Variants in PIGN observed in about 807,000 individuals in gnomAD.
PIGN encodes GPI ethanolamine phosphate transferase 1.
A neutral mutation model predicts 125.4 loss-of-function variants in PIGN; 117 were observed. The observed-to-expected ratio is 0.93, with a 90% CI of 0.80 to 1.09. The LOEUF is 1.09. Ranked by LOEUF, PIGN falls within the 50% of genes least tolerant of loss-of-function variation. PIGN has a pLI of 0.00. For synonymous variants in PIGN, 392 were observed against 377.8 expected, an observed-to-expected ratio of 1.04 and a Z score of -0.44; for missense variants, 1,075 against 1,094.9, an observed-to-expected ratio of 0.98 and a Z score of 0.26.
intron 14 of PIGN, among the ~76,000 whole-genome samples, chr18:62,119,454 A>T (rs1476633034): frequency 1.3e-5 from 2 of 152,226 alleles, no homozygotes; most frequent in Non-Finnish European, 1.5e-5. Context: ...TCTAGAATTT[A>T]AAAACATTTA....
chr18:62,107,816 G>A (rs1376256633), intron 17 of PIGN, among the ~76,000 whole-genome samples: 1 of 152,046 alleles, frequency 6.6e-6, no homozygotes. Flanking sequence ...TAAAGGTAGG[G>A]TTTCCTAATC....
chr18:62,133,240 C>T (rs1053075979), intron 14 of PIGN, among the ~76,000 whole-genome samples: 2 of 152,154 alleles, frequency 1.3e-5, no homozygotes, highest in African/African-American at 2.4e-5. Context: ...TTTGCACTTA[C>T]ATTATTTGCA....
At chr18:62,099,403 T>C (rs1184316508) in intron 22 of PIGN, among the ~76,000 whole-genome samples, 3 of 152,008 alleles carry the variant, frequency 2.0e-5, no homozygotes, top group African/African-American at 7.2e-5. Context: ...AAACAACATA[T>C]ATAAAACAAA....
At position 62,154,552 on chromosome 18, in the gene PIGN, T is replaced by C; in HGVS notation, c.542A>G (p.Asn181Ser). 1 of 1,487,976 alleles carries C rather than the reference T, an allele frequency of 6.7e-7. No homozygotes were observed. Among genetic ancestry groups the C allele is most frequent in the Non-Finnish European group, 9.4e-7 (1 of 1,066,608 alleles). The allele number at this position is 1,487,976 out of a possible 1,614,324, so 92.2% of individuals were successfully genotyped here. Residue 181 changes from asparagine (N) to serine (S), a missense_variant, in exon 7 of 31, where the codon AAT becomes AGT. Physicochemically the swap from Asn to Ser is conservative, Grantham distance 46 (BLOSUM62 1). Around this residue, in one of 3 missense-constraint regions of PIGN, gnomAD observed 915 missense variants for 908.7 expected, o/e 1.01. Transcript: ENST00000640252. ...CCACTCAATAGCACAAACCTTAACA[T>C]TATCAAAAACCCACGTATCCAGTTT... is the stretch of plus-strand genomic sequence containing the variant. Reference protein sequence around the residue: ...ATKLDTWVFDNVKDFFHHARN... With the variant: ...ATKLDTWVFDSVKDFFHHARN...
intron 1 of PIGN, among the ~76,000 whole-genome samples, chr18:62,183,564 C>T (rs996261467): frequency 2.0e-5 from 3 of 152,168 alleles, no homozygotes; most frequent in Non-Finnish European, 4.4e-5. Flanking sequence ...AAGTCAGAAA[C>T]GAAAACTTTT....
At chr18:62,142,147 CT>C in intron 11 of PIGN, among the ~76,000 whole-genome samples, 1 of 152,348 alleles carries the variant, frequency 6.6e-6, no homozygotes, top group Non-Finnish European at 1.5e-5. Flanking sequence ...GTTCTTACCC[CT>C]AAGGTATACA....
intron 24 of PIGN, among the ~76,000 whole-genome samples, chr18:62,089,598 A>G (rs1177659310): frequency 6.6e-6 from 1 of 152,190 alleles, no homozygotes; most frequent in Non-Finnish European, 1.5e-5. Flanking sequence ...GAGTATTTAC[A>G]TGAATCTGCT....
In PIGN at chr18:62,116,273, C is replaced by A. The variant is rs546427084; in HGVS notation, c.1173-1634G>T. 2.0e-4 allele frequency among the ~76,000 whole-genome samples: 30 copies of A among 152,230 alleles called. No individual in the cohort carries two copies. In the South Asian group the frequency reaches 5.6e-3, roughly 28 times the overall value. ...GAAGGCTATATCTAAGTTGAATTTCCCAAATTTCCATAAAAGCTTTCTAGT... is the reference window on the plus strand; with the variant it reads ...GAAGGCTATATCTAAGTTGAATTTCACAAATTTCCATAAAAGCTTTCTAGT... On this transcript the variant is annotated intron_variant, in intron 14 of 30. Coordinates refer to ENST00000640252, the MANE Select transcript of PIGN (RefSeq NM_176787.5).
chr18:62,066,247 A>G (rs17069420), intron 30 of PIGN, among the ~76,000 whole-genome samples: 52,323 of 152,010 alleles, frequency 0.34, 10,038 homozygotes, highest in East Asian at 0.7. Context: ...TGAGCAGCCT[A>G]CACACCCCAT....
intron 14 of PIGN, among the ~76,000 whole-genome samples, chr18:62,119,958 G>A (rs1282065166): frequency 6.6e-6 from 1 of 152,060 alleles, no homozygotes; most frequent in African/African-American, 2.4e-5. Flanking sequence ...AATAGAATGC[G>A]AGTCATGATG....
intron 30 of PIGN, chr18:62,070,489 G>A (rs2032781386): frequency 5.0e-6 from 2 of 398,532 alleles, no homozygotes; most frequent in Admixed American, 8.8e-5. Context: ...TAACCAGGCA[G>A]TACATGCCAG....
chr18:62,147,121 G>A lies in PIGN; in HGVS notation c.675-20C>T. The A allele has an allele frequency of 3.2e-6, 5 of 1,567,492 alleles. No homozygotes were observed. The highest frequency in any genetic ancestry group is 4.6e-5 in the East Asian group (2 of 43,634). On this transcript the variant is annotated intron_variant, in intron 8 of 30. Transcript: ENST00000640252. ...TAGTCTCTATTTGTAAAGAAACAGA[G>A]GAACAAATTAAATTAATTTGGAGAA... is the stretch of plus-strand genomic sequence containing the variant.
intron 30 of PIGN, among the ~76,000 whole-genome samples, chr18:62,069,189 T>G (rs891244849): frequency 6.6e-6 from 1 of 152,240 alleles, no homozygotes; most frequent in East Asian, 1.9e-4. Context: ...AATTTTTACT[T>G]TGAAGAAAAA....
Position 62,073,219 on chromosome 18 carries a change from G to A in PIGN, c.2620-494C>T, listed in dbSNP as rs567455404. On this transcript the variant is annotated intron_variant, in intron 29 of 30. Transcript: ENST00000640252. ...TGTGTGTGTGTAAGGGGGGGATGGA[G>A]GGAGTGTTATCATTGGAAAATATAG... Among the ~76,000 whole-genome samples the A allele has an allele frequency of 8.6e-5, 13 of 151,588 alleles. 1 individual carries two copies. In the South Asian group the frequency reaches 2.7e-3, roughly 32 times the overall value.
chr18:62,164,522 C>A (rs1268587809), intron 1 of PIGN, among the ~76,000 whole-genome samples: 2 of 152,002 alleles, frequency 1.3e-5, no homozygotes, highest in African/African-American at 4.8e-5. Context: ...GTGGGAAATG[C>A]CACAGACTTT....
chr18:62,108,512 T>C (rs1330824060), intron 17 of PIGN, among the ~76,000 whole-genome samples: 3 of 152,020 alleles, frequency 2.0e-5, no homozygotes, highest in Admixed American at 6.5e-5. Flanking sequence ...GGTAACAATA[T>C]GTTATTTGAT....
chr18:62,051,091 G>A (rs1251052134), intron 30 of PIGN, among the ~76,000 whole-genome samples: 5 of 148,380 alleles, frequency 3.4e-5, no homozygotes, highest in Non-Finnish European at 7.5e-5. Context: ...TGTGCTGCTG[G>A]ATTCGGTTTG....
At chr18:62,039,562 C>T (rs1377718063), downstream of PIGN, among the ~76,000 whole-genome samples, 1 of 91,080 alleles carries the variant, frequency 1.1e-5, no homozygotes, top group Admixed American at 1.3e-4. Context: ...TCCAGGGTGC[C>T]GCACCCCATG....
At chr18:62,072,802 G>A in intron 29 of PIGN, 77 bp from the exon 30 acceptor site, 2 of 1,051,810 alleles carry the variant, frequency 1.9e-6, no homozygotes, top group Non-Finnish European at 2.8e-6. Flanking sequence ...TTTTAGGACT[G>A]TATGTTTCAG....
Sources: allele counts gnomAD v4.1 joint callset (sites outside exome capture counted in the v4.1 genomes callset), GRCh38; gene constraint gnomAD v4.1.1; regional missense constraint gnomAD v4.1.1; transcripts MANE v1.5; gene names NCBI Gene and HGNC (gene_info 2026-07-23, HGNC 2026-07-21).